The following NTRK3 variants were observed in gnomAD, a reference collection of about 807,000 sequenced individuals.
The protein encoded by NTRK3 is neurotrophic receptor tyrosine kinase 3, also known as NT-3 growth factor receptor.
A neutral mutation model predicts 91.7 loss-of-function variants in NTRK3; 24 were observed. The observed-to-expected ratio is 0.26, with a 90% CI of 0.19 to 0.37. NTRK3 has a LOEUF of 0.37. Ranked by LOEUF, NTRK3 falls within the 10% of genes least tolerant of loss-of-function variation. The pLI, the probability that NTRK3 is intolerant of heterozygous loss-of-function variation, is 1.00. For missense variants in NTRK3, 880 were observed against 1,068.9 expected (o/e 0.82, Z 2.46); for synonymous variants, 483 against 404.0 (o/e 1.20, Z -2.34).
At chr15:88,019,728 T>C (rs1054813161) in intron 14 of NTRK3, among the ~76,000 whole-genome samples, 1 of 152,182 alleles carries the variant, frequency 6.6e-6, no homozygotes, top group South Asian at 2.1e-4. Context: ...CCTGGTGATA[T>C]AGCAAAATAC....
intron 3 of NTRK3, chr15:88,205,679 C>G (rs1374013011): frequency 1.3e-5 from 2 of 152,230 alleles, no homozygotes; most frequent in African/African-American, 2.4e-5. Context: ...GGTCAGCCCT[C>G]TCACCCCGGT....
chr15:88,124,643 G>A (rs556753197), intron 13 of NTRK3, among the ~76,000 whole-genome samples: 1 of 152,288 alleles, frequency 6.6e-6, no homozygotes, highest in African/African-American at 2.4e-5. Flanking sequence ...AAAACCAGGA[G>A]CCCAAGAATT....
chr15:87,952,980 G>A (rs1361028387), intron 14 of NTRK3, among the ~76,000 whole-genome samples: 2 of 152,126 alleles, frequency 1.3e-5, no homozygotes, highest in African/African-American at 2.4e-5. Context: ...ACAGCTCAGC[G>A]CAGCCAGCAG....
At chr15:87,939,012 G>T (rs934026618) in intron 15 of NTRK3, among the ~76,000 whole-genome samples, 4 of 152,230 alleles carry the variant, frequency 2.6e-5, no homozygotes, top group Admixed American at 6.5e-5. Context: ...AAAGTTATTG[G>T]AAAATACCCG....
chr15:87,951,808 G>A lies in NTRK3; in HGVS notation c.1586-11055C>T, dbSNP rs74251170. On this transcript the variant is annotated intron_variant, in intron 14 of 18. Coordinates refer to ENST00000394480, the Ensembl canonical transcript of NTRK3. ...GTAGAAACTAGAATCCCCATGTGGG[G>A]TCCTTAACCCTAAGGGTCTTTCTTC... is the stretch of plus-strand genomic sequence containing the variant. Among the ~76,000 whole-genome samples, 601 of 152,288 alleles carry A rather than the reference G, an allele frequency of 3.9e-3. 30 individuals are homozygous for A. In the East Asian group the frequency reaches 0.096, roughly 24 times the overall value.
chr15:87,888,972 T>G (rs2065702423), intron 17 of NTRK3, among the ~76,000 whole-genome samples: 1 of 152,188 alleles, frequency 6.6e-6, no homozygotes, highest in African/African-American at 2.4e-5. Flanking sequence ...AGAAGACTGA[T>G]GAGTTAGGGA....
At chr15:88,148,159 C>T (rs1464787489) in intron 5 of NTRK3, among the ~76,000 whole-genome samples, 1 of 152,188 alleles carries the variant, frequency 6.6e-6, no homozygotes, top group African/African-American at 2.4e-5. Context: ...AGGTAAATAT[C>T]TATCCACACA....
intron 5 of NTRK3, among the ~76,000 whole-genome samples, chr15:88,179,277 T>C (rs2046259163): frequency 1.3e-5 from 2 of 152,230 alleles, no homozygotes; most frequent in Non-Finnish European, 2.9e-5. Flanking sequence ...CTTTTTAAAT[T>C]GCTTCTGTGA....
At chr15:87,882,432 A>C (rs1319995026) in intron 17 of NTRK3, among the ~76,000 whole-genome samples, 1 of 152,164 alleles carries the variant, frequency 6.6e-6, no homozygotes, top group Admixed American at 6.5e-5. Flanking sequence ...TAAGCCACAA[A>C]AATGCAATTT....
At chr15:88,183,539 A>T in intron 4 of NTRK3, 50 bp from the exon 5 acceptor site, 2 of 1,540,452 alleles carry the variant, frequency 1.3e-6, no homozygotes, top group Non-Finnish European at 1.8e-6. Flanking sequence ...GCAGAGGGAT[A>T]TCTGCTCTGG....
intron 17 of NTRK3, among the ~76,000 whole-genome samples, chr15:87,922,098 A>G (rs1258893078): frequency 6.6e-6 from 1 of 152,214 alleles, no homozygotes; most frequent in Non-Finnish European, 1.5e-5. Context: ...CTGTGATCCT[A>G]AAAGTCAATT....
At chr15:88,135,165 G>A in exon 10 of NTRK3, 1 of 1,614,228 alleles carries the variant, frequency 6.2e-7, no homozygotes, top group Non-Finnish European at 8.5e-7. Context: ...GTGGGTTTTT[G>A]GCAATGAGGG....
chr15:88,223,621 C>T (rs1033533434), intron 3 of NTRK3, among the ~76,000 whole-genome samples: 1 of 152,206 alleles, frequency 6.6e-6, no homozygotes, highest in Non-Finnish European at 1.5e-5. Context: ...ACCACTTCAT[C>T]GCTCCATGGT....
intron 14 of NTRK3, among the ~76,000 whole-genome samples, chr15:88,029,484 C>T (rs937237411): frequency 2.6e-5 from 4 of 152,114 alleles, no homozygotes; most frequent in Admixed American, 2.6e-4. Flanking sequence ...TACATAAGTA[C>T]AGAAAGAAAA....
At chr15:87,951,824 G>A (rs146299021) in intron 14 of NTRK3, among the ~76,000 whole-genome samples, 36 of 152,304 alleles carry the variant, frequency 2.4e-4, no homozygotes, top group Non-Finnish European at 4.3e-4. Context: ...AACCCTAAGG[G>A]TCTTTCTTCA....
intron 14 of NTRK3, among the ~76,000 whole-genome samples, chr15:87,966,706 A>C (rs900054208): frequency 7.2e-5 from 11 of 152,224 alleles, no homozygotes; most frequent in Non-Finnish European, 1.5e-4. Flanking sequence ...TGTTTGGGTA[A>C]GGAATTCTGG....
At chr15:88,223,906 G>T (rs750254733) in intron 3 of NTRK3, among the ~76,000 whole-genome samples, 15 of 152,192 alleles carry the variant, frequency 9.9e-5, no homozygotes, top group African/African-American at 2.4e-5. Flanking sequence ...GGCATGGGAG[G>T]TGTTATTAGG....
exon 19 of NTRK3, chr15:87,873,459 C>T (rs2064875919): frequency 4.3e-6 from 1 of 231,394 alleles, no homozygotes; most frequent in Non-Finnish European, 8.6e-6. Flanking sequence ...CAGCAGGTCA[C>T]TCTCACTCAG....
At chr15:87,985,731 G>A (rs751390479) in intron 14 of NTRK3, among the ~76,000 whole-genome samples, 2 of 152,136 alleles carry the variant, frequency 1.3e-5, no homozygotes, top group Non-Finnish European at 2.9e-5. Flanking sequence ...CACAGGGGGA[G>A]GACATCCATG....
Sources: allele counts gnomAD v4.1 joint callset (sites outside exome capture counted in the v4.1 genomes callset), GRCh38; gene constraint gnomAD v4.1.1; transcripts MANE v1.5; gene names NCBI Gene and HGNC (gene_info 2026-07-23, HGNC 2026-07-21).